GPR149: variants seen among roughly 807,000 people sequenced by gnomAD.
The protein encoded by GPR149 is G protein-coupled receptor 149.
A neutral mutation model predicts 50.2 loss-of-function variants in GPR149; 50 were observed. The observed-to-expected ratio is 1.00, with a 90% CI of 0.79 to 1.26. The LOEUF is 1.26. GPR149 is among the 50% of genes most tolerant of loss of function. The pLI, the probability that GPR149 is intolerant of heterozygous loss-of-function variation, is 0.00. For synonymous variants in GPR149, 405 were observed against 358.2 expected (o/e 1.13, Z -1.48); for missense variants, 983 against 895.4 (o/e 1.10, Z -1.25).
At chr3:154,394,548 C>T (rs1024586611) in intron 3 of GPR149, among the ~76,000 whole-genome samples, 7 of 151,960 alleles carry the variant, frequency 4.6e-5, no homozygotes, top group African/African-American at 1.7e-4. Context: ...AGTGGAAATA[C>T]ATGAAACTAA....
intron 3 of GPR149, among the ~76,000 whole-genome samples, chr3:154,399,958 C>A (rs1711509710): frequency 6.6e-6 from 1 of 152,054 alleles, no homozygotes; most frequent in Non-Finnish European, 1.5e-5. Context: ...TTATCATATA[C>A]GTGTGTCAAT....
At chr3:154,406,034 CTAA>C (rs1711676986) in intron 3 of GPR149, among the ~76,000 whole-genome samples, 1 of 151,492 alleles carries the variant, frequency 6.6e-6, no homozygotes, top group Admixed American at 6.6e-5. Flanking sequence ...GGATGAAGAA[CTAA>C]TATTTCTAAT....
chr3:154,400,494 T>C (rs532120982), intron 3 of GPR149, among the ~76,000 whole-genome samples: 1 of 152,276 alleles, frequency 6.6e-6, no homozygotes, highest in Non-Finnish European at 1.5e-5. Context: ...ATAAACATGC[T>C]CTCTAATGAA....
chr3:154,425,815 T>C (rs949235253), intron 2 of GPR149, among the ~76,000 whole-genome samples: 4 of 152,216 alleles, frequency 2.6e-5, no homozygotes, highest in African/African-American at 7.2e-5. Flanking sequence ...AAGACTCTTC[T>C]GTCTGTGCAG....
At chr3:154,380,839 G>A (rs1714905944) in intron 3 of GPR149, among the ~76,000 whole-genome samples, 1 of 152,152 alleles carries the variant, frequency 6.6e-6, no homozygotes, top group Admixed American at 6.6e-5. Flanking sequence ...GGTTTTAAAA[G>A]GAGGAACATT....
intron 3 of GPR149, chr3:154,353,691 A>G: frequency 1.5e-6 from 2 of 1,297,898 alleles, no homozygotes; most frequent in Non-Finnish European, 2.2e-6. Flanking sequence ...AGCCAAAACA[A>G]GTACCTTTGT....
rs1713645594 is a variant in GPR149, at chr3:154,335,897, A to G, written c.*1802T>C. 2.6e-5 allele frequency: 4 copies of G among 152,118 alleles called. No individual in the cohort carries two copies. Among genetic ancestry groups the G allele is most frequent in the Admixed American group, 2.6e-4 (4 of 15,268 alleles). The allele number at this position is 152,118 out of a possible 1,614,324, so 9.4% of individuals were successfully genotyped here. A position where few individuals can be genotyped will look rare whatever the true frequency, so the allele number is the denominator to read the frequency against. On this transcript the variant is annotated 3_prime_UTR_variant, in exon 4 of 4. Coordinates refer to ENST00000389740, the MANE Select transcript of GPR149 (RefSeq NM_001038705.3). ...TCACCTTTCTCTTTCAGAAAATTAT[A>G]CATCTAAGTTTAAGATATCAAAGCC... is the stretch of plus-strand genomic sequence containing the variant.
At chr3:154,375,883 C>T (rs1021367326) in intron 3 of GPR149, among the ~76,000 whole-genome samples, 1 of 152,194 alleles carries the variant, frequency 6.6e-6, no homozygotes, top group African/African-American at 2.4e-5. Flanking sequence ...AATTTGCTCC[C>T]TGTTTTAGCT....
chr3:154,386,657 C>T (rs1286367136), intron 3 of GPR149, among the ~76,000 whole-genome samples: 1 of 152,112 alleles, frequency 6.6e-6, no homozygotes, highest in Non-Finnish European at 1.5e-5. Flanking sequence ...TAGAACCTGC[C>T]TTAGGGAGAC....
intron 3 of GPR149, among the ~76,000 whole-genome samples, chr3:154,360,473 G>A (rs1245808695): frequency 1.3e-5 from 2 of 152,180 alleles, no homozygotes; most frequent in African/African-American, 4.8e-5. Context: ...TGATGAAGGT[G>A]TGTATTACGA....
intron 1 of GPR149, among the ~76,000 whole-genome samples, 164 bp from the exon 2 acceptor site, chr3:154,427,872 C>T (rs1405363092): frequency 6.6e-6 from 1 of 152,222 alleles, no homozygotes; most frequent in Non-Finnish European, 1.5e-5. Context: ...TGATGGGCTC[C>T]TGGGAACGGC....
intron 3 of GPR149, among the ~76,000 whole-genome samples, chr3:154,407,255 A>C (rs898708631): frequency 2.0e-5 from 3 of 152,184 alleles, no homozygotes; most frequent in Admixed American, 6.5e-5. Context: ...GTCAAATATA[A>C]ATAATGAAAA....
chr3:154,408,865 T>C (rs1239854931), intron 3 of GPR149, among the ~76,000 whole-genome samples: 2 of 152,220 alleles, frequency 1.3e-5, no homozygotes, highest in Non-Finnish European at 2.9e-5. Flanking sequence ...ATCCTCCCTA[T>C]AGGGCTGCAG....
At chr3:154,349,042 T>C (rs1188706515) in intron 3 of GPR149, among the ~76,000 whole-genome samples, 1 of 151,662 alleles carries the variant, frequency 6.6e-6, no homozygotes, top group Admixed American at 6.6e-5. Context: ...AAAAAGGTAG[T>C]CTTGAGGGAA....
intron 3 of GPR149, chr3:154,354,158 G>A: frequency 2.0e-6 from 1 of 491,590 alleles, no homozygotes. Context: ...GGCCTTGGAA[G>A]CATCCAGGTC....
chr3:154,342,128 G>C (rs1349446596), intron 3 of GPR149, among the ~76,000 whole-genome samples: 1 of 152,080 alleles, frequency 6.6e-6, no homozygotes, highest in East Asian at 1.9e-4. Flanking sequence ...AATGAAAACT[G>C]GAAACCACAA....
Position 154,353,462 on chromosome 3 carries a change from T to C in GPR149, c.1624-15191A>G, listed in dbSNP as rs1318942904. On this transcript the variant is annotated intron_variant, in intron 3 of 3. Coordinates refer to ENST00000389740, the MANE Select transcript of GPR149 (RefSeq NM_001038705.3). ...AATCTAAATCTAACGTTTGATCCAC[T>C]TCATCAAGCACAACATGGCACAGTT... 5.3e-6 allele frequency: 5 copies of C among 934,830 alleles called. No homozygotes were observed. The African/African-American group carries it at 8.1e-5, about 15-fold the overall frequency. 57.9% of individuals were successfully genotyped at this position (934,830 alleles called of 1,614,324 possible).
rs2108381183 is a variant in GPR149, at chr3:154,337,121, G to A, written c.*578C>T. The A allele has an allele frequency of 6.6e-6, 1 of 152,212 alleles. No individual in the cohort carries two copies. The highest frequency in any genetic ancestry group is 6.5e-5 in the Admixed American group (1 of 15,276). 9.4% of individuals were successfully genotyped at this position (152,212 alleles called of 1,614,324 possible). A position where few individuals can be genotyped will look rare whatever the true frequency, so the allele number is the denominator to read the frequency against. On this transcript the variant is annotated 3_prime_UTR_variant, in exon 4 of 4. Coordinates refer to ENST00000389740, the MANE Select transcript of GPR149 (RefSeq NM_001038705.3). Reference sequence around the variant, plus strand: ...CAATTTATATTTGGTAGAAATGAAGGAAACAACTATTTATAGACTAGGAAC... The same window carrying A: ...CAATTTATATTTGGTAGAAATGAAGAAAACAACTATTTATAGACTAGGAAC...
chr3:154,397,869 T>G (rs1715329898), intron 3 of GPR149, among the ~76,000 whole-genome samples: 1 of 152,178 alleles, frequency 6.6e-6, no homozygotes, highest in South Asian at 2.1e-4. Context: ...CATTAGTATA[T>G]ATAAATGTTA....
Sources: allele counts gnomAD v4.1 joint callset (sites outside exome capture counted in the v4.1 genomes callset), GRCh38; gene constraint gnomAD v4.1.1; transcripts MANE v1.5; gene names NCBI Gene and HGNC (gene_info 2026-07-23, HGNC 2026-07-21).